Variants in AKT3 observed in about 807,000 individuals in gnomAD.
AKT3 encodes RAC-gamma serine/threonine-protein kinase.
AKT3 carries 15 observed loss-of-function variants against 65.3 expected under a neutral mutation model. The ratio of observed to expected loss-of-function variants is 0.23; its 90% CI spans 0.15 to 0.35. AKT3 has a LOEUF of 0.35. AKT3 is among the 10% of genes least tolerant of loss of function. The pLI is 1.00. For missense variants in AKT3, 243 were observed against 576.5 expected, an observed-to-expected ratio of 0.42 and a Z score of 5.92; for synonymous variants, 206 against 183.8, an observed-to-expected ratio of 1.12 and a Z score of -0.98.
chr1:243,840,914 T>TA (rs1252839271), intron 2 of AKT3, among the ~76,000 whole-genome samples: 2 of 152,154 alleles, frequency 1.3e-5, no homozygotes, highest in Admixed American at 6.5e-5. Flanking sequence ...TAAAGTTTAG[T>TA]ATATTATATA....
chr1:243,747,317 T>C (rs142951733), intron 2 of AKT3, among the ~76,000 whole-genome samples: 145 of 152,360 alleles, frequency 9.5e-4, no homozygotes, highest in African/African-American at 3.1e-3. Context: ...TTGAAAGTTA[T>C]ACGGCAAAGT....
chr1:243,787,159 G>C (rs970203449), intron 2 of AKT3, among the ~76,000 whole-genome samples: 1 of 152,090 alleles, frequency 6.6e-6, no homozygotes, highest in African/African-American at 2.4e-5. Context: ...AATCATAAAG[G>C]CAACGACAAA....
intron 10 of AKT3, among the ~76,000 whole-genome samples, chr1:243,560,505 A>G (rs1673699860): frequency 6.6e-6 from 1 of 152,140 alleles, no homozygotes; most frequent in Non-Finnish European, 1.5e-5. Flanking sequence ...AGTTGTTTCA[A>G]GATTTCTCAT....
At chr1:243,625,525 G>C (rs935468181) in intron 6 of AKT3, among the ~76,000 whole-genome samples, 1 of 152,182 alleles carries the variant, frequency 6.6e-6, no homozygotes, top group African/African-American at 2.4e-5. Flanking sequence ...TGGTTAGCTT[G>C]AGCTATGGCT....
At chr1:243,631,663 C>T (rs1315159169) in intron 6 of AKT3, among the ~76,000 whole-genome samples, 4 of 152,326 alleles carry the variant, frequency 2.6e-5, no homozygotes, top group Middle Eastern at 3.4e-3. Context: ...CTTTCTCTTT[C>T]GCATGCCATG....
intron 2 of AKT3, among the ~76,000 whole-genome samples, chr1:243,787,597 T>G (rs930083362): frequency 6.6e-6 from 1 of 152,262 alleles, no homozygotes; most frequent in Non-Finnish European, 1.5e-5. Flanking sequence ...ACTTTTCTTT[T>G]CCTGCATAAC....
chr1:243,799,675 AAAAT>A (rs1484582819), intron 2 of AKT3, among the ~76,000 whole-genome samples: 1 of 152,222 alleles, frequency 6.6e-6, no homozygotes, highest in African/African-American at 2.4e-5. Context: ...TAATTTTCCT[AAAAT>A]TAACTTTCAA....
intron 2 of AKT3, among the ~76,000 whole-genome samples, chr1:243,715,360 A>T (rs1021804109): frequency 2.0e-5 from 3 of 152,092 alleles, no homozygotes; most frequent in African/African-American, 7.2e-5. Flanking sequence ...TACACCTTGG[A>T]TAAAAATATT....
intron 2 of AKT3, among the ~76,000 whole-genome samples, chr1:243,750,290 C>T (rs1423715134): frequency 2.6e-5 from 4 of 152,052 alleles, no homozygotes; most frequent in Non-Finnish European, 5.9e-5. Context: ...CATTAACATA[C>T]ATTTTGTATC....
At position 243,664,879 on chromosome 1, in the gene AKT3, G is replaced by A. The variant is rs1381502757; in HGVS notation, c.177C>T (p.Cys59=). ...TTGGTCGTTCTGTTTTCATTAACTG[G>A]CATTCTAAGAATAAAATAAAATGTT... is the stretch of plus-strand genomic sequence containing the variant. ...YPLNNFSVAK[C]QLMKTERPKP... The change falls in exon 4 of 14, where the codon TGC becomes TGT. Residue 59 remains cysteine (C), a synonymous_variant. Transcript: ENST00000673466. 1.3e-6 allele frequency: 2 copies of A among 1,514,712 alleles called. No homozygotes were observed. The highest frequency in any genetic ancestry group is 1.8e-6 in the Non-Finnish European group (2 of 1,121,396). 93.8% of individuals were successfully genotyped at this position (1,514,712 alleles called of 1,614,324 possible). A position where few individuals can be genotyped will look rare whatever the true frequency, so the allele number is the denominator to read the frequency against.
chr1:243,521,323 A>G (rs574259810), intron 12 of AKT3, among the ~76,000 whole-genome samples: 1 of 152,224 alleles, frequency 6.6e-6, no homozygotes, highest in South Asian at 2.1e-4. Context: ...ATCTGGTGCT[A>G]TAATTTTCAC....
intron 6 of AKT3, among the ~76,000 whole-genome samples, chr1:243,628,540 T>C (rs1034555243): frequency 1.3e-5 from 2 of 152,186 alleles, no homozygotes; most frequent in African/African-American, 4.8e-5. Flanking sequence ...CCTGGACTCA[T>C]GCGATTCTCC....
At chr1:243,739,792 GATAA>G (rs1479842002) in intron 2 of AKT3, among the ~76,000 whole-genome samples, 1 of 152,182 alleles carries the variant, frequency 6.6e-6, no homozygotes, top group Non-Finnish European at 1.5e-5. Context: ...CTGTTCCCCA[GATAA>G]ACAATGCTTT....
At chr1:243,639,398 C>G (rs1680208583) in intron 5 of AKT3, among the ~76,000 whole-genome samples, 1 of 152,118 alleles carries the variant, frequency 6.6e-6, no homozygotes, top group Non-Finnish European at 1.5e-5. Flanking sequence ...CATCCTGATA[C>G]TGAGATAGGA....
At chr1:243,697,348 T>C (rs1490873039) in intron 2 of AKT3, among the ~76,000 whole-genome samples, 1 of 151,888 alleles carries the variant, frequency 6.6e-6, no homozygotes, top group East Asian at 1.9e-4. Context: ...CAGTATGTTG[T>C]TTTGGTTTAA....
chr1:243,499,636 A>G, downstream of AKT3: 1 of 800,520 alleles, frequency 1.2e-6, no homozygotes, highest in Admixed American at 2.0e-5. Context: ...ATTTTTAGCA[A>G]CAGGTTTTTT....
intron 2 of AKT3, among the ~76,000 whole-genome samples, chr1:243,699,514 A>ATATATATATATATATAT (rs1685304874): frequency 2.1e-5 from 2 of 96,718 alleles, no homozygotes; most frequent in African/African-American, 1.1e-4. Flanking sequence ...TATATATATA[A>ATATATATATATATATAT]TCTTCATGGG....
chr1:243,629,067 A>G (rs1020443757), intron 6 of AKT3, among the ~76,000 whole-genome samples: 1 of 152,086 alleles, frequency 6.6e-6, no homozygotes, highest in Non-Finnish European at 1.5e-5. Flanking sequence ...ACCTGAGGTC[A>G]GGAGTTTGAG....
intron 4 of AKT3, among the ~76,000 whole-genome samples, chr1:243,658,744 T>C (rs542800817): frequency 6.8e-6 from 1 of 148,138 alleles, no homozygotes; most frequent in Non-Finnish European, 1.5e-5. Context: ...GATGAATGAA[T>C]AAAGAAAATG....
Sources: gnomAD v4.1 joint callset for allele counts (sites outside exome capture counted in the v4.1 genomes callset) on GRCh38, gnomAD v4.1.1 for gene constraint, MANE v1.5 for transcripts, NCBI Gene and HGNC (gene_info 2026-07-23, HGNC 2026-07-21) for gene names.